SNX2: variants seen among roughly 807,000 people sequenced by gnomAD.
SNX2 encodes sorting nexin 2.
A neutral mutation model predicts 69.9 loss-of-function variants in SNX2; 25 were observed. That is an observed-to-expected ratio of 0.36 (90% CI 0.26 to 0.50). The LOEUF (loss-of-function observed/expected upper bound fraction) is 0.50. SNX2 is among the 20% of genes least tolerant of loss of function. SNX2 has a pLI of 0.97. For synonymous variants in SNX2, 229 were observed against 200.4 expected, an observed-to-expected ratio of 1.14 and a Z score of -1.20; for missense variants, 551 against 613.3, an observed-to-expected ratio of 0.90 and a Z score of 1.07.
intron 7 of SNX2, among the ~76,000 whole-genome samples, chr5:122,812,303 C>G (rs996256306): frequency 1.3e-5 from 2 of 152,206 alleles, no homozygotes; most frequent in Non-Finnish European, 2.9e-5. Context: ...CCCATTTGAT[C>G]TCATATCCTC....
intron 7 of SNX2, 198 bp from the exon 8 acceptor site, chr5:122,815,698 A>G (rs918857973): frequency 5.3e-6 from 2 of 377,280 alleles, no homozygotes; most frequent in Non-Finnish European, 9.5e-6. Flanking sequence ...ACTGGATAGT[A>G]TATCAATTTT....
chr5:122,828,722 C>T (rs1754213516), intron 14 of SNX2, among the ~76,000 whole-genome samples: 1 of 152,108 alleles, frequency 6.6e-6, no homozygotes, highest in Non-Finnish European at 1.5e-5. Context: ...CATTATTTTA[C>T]ATCAAAAACT....
chr5:122,815,014 G>T (rs1368664283), intron 7 of SNX2, among the ~76,000 whole-genome samples: 1 of 152,220 alleles, frequency 6.6e-6, no homozygotes. Context: ...CTCCCAAAGT[G>T]CTGGGATTAC....
chr5:122,801,652 CGTGTGTGT>C (rs61189602), intron 3 of SNX2, among the ~76,000 whole-genome samples: 108 of 132,116 alleles, frequency 8.2e-4, no homozygotes, highest in Non-Finnish European at 1.1e-3. Flanking sequence ...TGGTCTTTTT[CGTGTGTGT>C]GTGTGTGTGT....
chr5:122,798,670 A>G (rs890470067), intron 2 of SNX2, among the ~76,000 whole-genome samples: 17 of 152,102 alleles, frequency 1.1e-4, no homozygotes, highest in Non-Finnish European at 1.9e-4. Flanking sequence ...GCAAAGTTGT[A>G]GTTTACATTA....
chr5:122,803,585 G>A lies in SNX2; in HGVS notation c.615G>A (p.Val205=), dbSNP rs568226115. Residue 205 remains valine (V), a synonymous_variant, in exon 6 of 15, where the codon GTG becomes GTA. Transcript: ENST00000379516. ...AATATTTACATGTTGGTTATATTGT[G>A]CCACCAGCTCCAGAAAAGAGTATAG... ...ASKYLHVGYI[V]PPAPEKSIVG... is the part of the protein sequence containing the mutation. 2 of 1,609,544 alleles carry A rather than the reference G, an allele frequency of 1.2e-6. No individual in the cohort carries two copies. The highest frequency in any genetic ancestry group is 1.3e-5 in the African/African-American group (1 of 74,840).
In SNX2 at chr5:122,799,868, G is replaced by A. The variant is rs1034238904; in HGVS notation, c.390+13G>A. On this transcript the variant is annotated intron_variant, in intron 3 of 14. Transcript: ENST00000379516. ...ATCCAGGGAAGAGGTACAGGAAAAT[G>A]TATTCTAAATTAATATGTAAATATA... 6.3e-7 allele frequency: 1 copy of A among 1,595,400 alleles called. No individual in the cohort carries two copies. Among genetic ancestry groups the A allele is most frequent in the Non-Finnish European group, 8.6e-7 (1 of 1,167,970 alleles).
At chr5:122,817,114 G>A in intron 9 of SNX2, 86 bp downstream of exon 9, 1 of 1,164,966 alleles carries the variant, frequency 8.6e-7, no homozygotes, top group Non-Finnish European at 1.3e-6. Context: ...TGGAAAATAG[G>A]ATATTAATTT....
chr5:122,801,975 T>C (rs764528297), intron 4 of SNX2, 40 bp downstream of exon 4: 1 of 1,543,524 alleles, frequency 6.5e-7, no homozygotes, highest in Non-Finnish European at 8.9e-7. Context: ...TACTTTTTAT[T>C]AGTTTGTTGG....
chr5:122,778,122 G>A (rs941554461), intron 1 of SNX2, among the ~76,000 whole-genome samples: 1 of 152,130 alleles, frequency 6.6e-6, no homozygotes, highest in African/African-American at 2.4e-5. Flanking sequence ...TGTCCTCCAA[G>A]CTCATCCATG....
Position 122,818,400 on chromosome 5 carries a change from T to G in SNX2, c.1007-418T>G, listed in dbSNP as rs370641096. On this transcript the variant is annotated intron_variant, in intron 10 of 14. Transcript: ENST00000379516. ...AGCTAAATAATATTCTCATTAAAAT[T>G]ATAGACATTATTTTCAATGACAAAT... Among the ~76,000 whole-genome samples, 21 of 152,336 alleles carry G rather than the reference T, an allele frequency of 1.4e-4. 3 individuals carry two copies. Among genetic ancestry groups the G allele is most frequent in the East Asian group, 3.8e-4 (2 of 5,196 alleles).
intron 1 of SNX2, among the ~76,000 whole-genome samples, chr5:122,785,016 T>TA (rs1437822627): frequency 6.6e-6 from 1 of 152,346 alleles, no homozygotes; most frequent in East Asian, 1.9e-4. Flanking sequence ...TTGTAGTACT[T>TA]ATCATCCTGT....
intron 7 of SNX2, among the ~76,000 whole-genome samples, chr5:122,814,909 C>T (rs1204907573): frequency 1.3e-5 from 2 of 152,030 alleles, no homozygotes; most frequent in African/African-American, 4.8e-5. Context: ...GCCACTGCGC[C>T]CGGCTAATTT....
At chr5:122,819,336 A>T (rs940699320) in intron 11 of SNX2, among the ~76,000 whole-genome samples, 1 of 152,210 alleles carries the variant, frequency 6.6e-6, no homozygotes, top group Non-Finnish European at 1.5e-5. Flanking sequence ...CACTAACTGA[A>T]ACTACTCACC....
At chr5:122,798,890 ATTCTT>A (rs1045361051) in intron 2 of SNX2, among the ~76,000 whole-genome samples, 2 of 152,090 alleles carry the variant, frequency 1.3e-5, no homozygotes, top group Non-Finnish European at 2.9e-5. Flanking sequence ...GTCTTGTAAC[ATTCTT>A]TTCATTGTTT....
At position 122,827,644 on chromosome 5, in the gene SNX2, C is replaced by G; in HGVS notation, c.1507C>G (p.Gln503Glu). ...AGAATCACTAGTTCAAACACAACAACAGGTAAGCCATTTTTGTTTATAACT... is the reference window on the plus strand; with the variant it reads ...AGAATCACTAGTTCAAACACAACAAGAGGTAAGCCATTTTTGTTTATAACT... ...YLESLVQTQQ[Q>E]LIKYWEAFLP... The change falls in exon 14 of 15, where the codon CAG becomes GAG. Residue 503 changes from glutamine to glutamate, a missense_variant and splice_region_variant. Around this residue, in one of 2 missense-constraint regions of SNX2, gnomAD observed 360 missense variants for 450.4 expected, o/e 0.80. Coordinates refer to ENST00000379516, the MANE Select transcript of SNX2 (RefSeq NM_003100.4). 6.2e-7 allele frequency: 1 copy of G among 1,605,700 alleles called. No individual in the cohort carries two copies. The highest frequency in any genetic ancestry group is 8.5e-7 in the Non-Finnish European group (1 of 1,174,290).
At chr5:122,777,002 C>T (rs1752872057) in intron 1 of SNX2, among the ~76,000 whole-genome samples, 1 of 152,094 alleles carries the variant, frequency 6.6e-6, no homozygotes, top group Admixed American at 6.5e-5. Flanking sequence ...TACTAATTTT[C>T]AGAAGGTGGT....
At chr5:122,778,061 G>A (rs6595409) in intron 1 of SNX2, among the ~76,000 whole-genome samples, 97,883 of 152,036 alleles carry the variant, frequency 0.64, 32,233 homozygotes, top group African/African-American at 0.78. Context: ...CATATGAGTA[G>A]GAACATGCAG....
intron 11 of SNX2, among the ~76,000 whole-genome samples, chr5:122,824,115 T>C (rs991137393): frequency 6.8e-6 from 1 of 147,982 alleles, no homozygotes; most frequent in Non-Finnish European, 1.5e-5. Flanking sequence ...GGCAGGAGAA[T>C]GGCGTGAACC....
Sources: allele counts gnomAD v4.1 joint callset (sites outside exome capture counted in the v4.1 genomes callset), GRCh38; gene constraint gnomAD v4.1.1; regional missense constraint gnomAD v4.1.1; transcripts MANE v1.5; gene names NCBI Gene and HGNC (gene_info 2026-07-23, HGNC 2026-07-21).